ADCK1: variants seen among roughly 807,000 people sequenced by gnomAD.
The protein encoded by ADCK1 is aarF domain-containing protein kinase 1.
In ADCK1, 41 loss-of-function variants were observed where a neutral mutation model predicts 52.3. The ratio of observed to expected loss-of-function variants is 0.78; its 90% CI spans 0.61 to 1.02. The LOEUF is 1.02. ADCK1 is among the 50% of genes least tolerant of loss of function. The pLI is 0.00. For synonymous variants in ADCK1, 250 were observed against 274.6 expected (o/e 0.91, Z 0.89); for missense variants, 658 against 679.5 (o/e 0.97, Z 0.35).
intron 4 of ADCK1, among the ~76,000 whole-genome samples, chr14:77,883,143 G>A (rs1416773942): frequency 6.6e-6 from 1 of 152,010 alleles, no homozygotes; most frequent in Non-Finnish European, 1.5e-5. Context: ...TAATTAAAAA[G>A]CACGTAACTA....
At chr14:77,881,524 A>G (rs1273127570) in intron 4 of ADCK1, among the ~76,000 whole-genome samples, 1 of 152,228 alleles carries the variant, frequency 6.6e-6, no homozygotes, top group African/African-American at 2.4e-5. Context: ...TTAAAAAATT[A>G]TGGACATGTT....
chr14:77,879,031 G>A (rs182975745), intron 4 of ADCK1, among the ~76,000 whole-genome samples: 23 of 151,946 alleles, frequency 1.5e-4, no homozygotes, highest in African/African-American at 2.9e-4. Context: ...CAACATTTCC[G>A]TAGAGTCCCT....
At chr14:77,893,413 G>C (rs1440024770) in intron 5 of ADCK1, among the ~76,000 whole-genome samples, 1 of 152,060 alleles carries the variant, frequency 6.6e-6, no homozygotes, top group African/African-American at 2.4e-5. Context: ...ATAATCTCCA[G>C]GTCCTAATCA....
chr14:77,900,628 T>C (rs1185434892), intron 6 of ADCK1: 1 of 455,380 alleles, frequency 2.2e-6, no homozygotes, highest in Admixed American at 2.4e-5. Context: ...GGACAGAAAG[T>C]TGTAAGGCCA....
intron 3 of ADCK1, among the ~76,000 whole-genome samples, chr14:77,846,557 G>A (rs1291705503): frequency 6.6e-6 from 1 of 152,184 alleles, no homozygotes; most frequent in Non-Finnish European, 1.5e-5. Flanking sequence ...CTCATTGAGT[G>A]AATCATCTGT....
chr14:77,836,714 C>T (rs1185635373), intron 3 of ADCK1, among the ~76,000 whole-genome samples: 1 of 151,938 alleles, frequency 6.6e-6, no homozygotes, highest in Admixed American at 6.6e-5. Context: ...CCTGTGGCTG[C>T]ATCATTGCAA....
intron 4 of ADCK1, among the ~76,000 whole-genome samples, chr14:77,876,353 CTT>C (rs1363666431): frequency 6.6e-6 from 1 of 152,196 alleles, no homozygotes; most frequent in African/African-American, 2.4e-5. Flanking sequence ...CATGTCATCT[CTT>C]TCTCTAATTC....
intron 4 of ADCK1, among the ~76,000 whole-genome samples, chr14:77,871,463 T>G (rs2082776693): frequency 6.6e-6 from 1 of 152,158 alleles, no homozygotes; most frequent in African/African-American, 2.4e-5. Context: ...GTTCAAGCGA[T>G]TGTCCCGCCT....
intron 8 of ADCK1, among the ~76,000 whole-genome samples, chr14:77,924,895 G>A (rs912935823): frequency 5.8e-4 from 88 of 152,242 alleles, no homozygotes; most frequent in Non-Finnish European, 1.6e-4. Flanking sequence ...CCCCAGGCCA[G>A]CAAGGATCCT....
intron 4 of ADCK1, among the ~76,000 whole-genome samples, chr14:77,872,515 G>A (rs1489262789): frequency 3.3e-5 from 5 of 151,976 alleles, no homozygotes; most frequent in African/African-American, 1.2e-4. Context: ...TGGGGTGTTA[G>A]GCTCTTCCCT....
chr14:77,928,266 A>G (rs371198836), intron 9 of ADCK1, among the ~76,000 whole-genome samples: 17 of 152,050 alleles, frequency 1.1e-4, no homozygotes, highest in African/African-American at 3.6e-4. Flanking sequence ...GGGGTAGTCA[A>G]CGGTTCTCTT....
intron 7 of ADCK1, among the ~76,000 whole-genome samples, chr14:77,921,673 T>C (rs1263779137): frequency 6.6e-6 from 1 of 151,972 alleles, no homozygotes; most frequent in Non-Finnish European, 1.5e-5. Flanking sequence ...AAAGATAGAG[T>C]TGGAGGCAGG....
intron 3 of ADCK1, among the ~76,000 whole-genome samples, chr14:77,841,444 GA>G (rs897591469): frequency 3.3e-5 from 5 of 151,290 alleles, no homozygotes; most frequent in Non-Finnish European, 7.4e-5. Context: ...ATCTTTAGGG[GA>G]AAAAAAACTC....
chr14:77,843,277 G>A (rs1174510842), intron 3 of ADCK1, among the ~76,000 whole-genome samples: 2 of 152,144 alleles, frequency 1.3e-5, no homozygotes, highest in South Asian at 4.1e-4. Flanking sequence ...CCACATTCAG[G>A]CCTGTGGCCT....
At chr14:77,917,778 C>CT (rs1169561368) in intron 7 of ADCK1, among the ~76,000 whole-genome samples, 1 of 152,188 alleles carries the variant, frequency 6.6e-6, no homozygotes, top group East Asian at 1.9e-4. Context: ...TTTTGGTTAG[C>CT]TGACAGTCCT....
At chr14:77,826,135 T>G (rs1007385356) in intron 3 of ADCK1, among the ~76,000 whole-genome samples, 6 of 152,296 alleles carry the variant, frequency 3.9e-5, no homozygotes, top group South Asian at 2.1e-4. Context: ...GAACAGCACG[T>G]GGCGGCTGGC....
At chr14:77,807,140 C>T (rs1348045807) in intron 1 of ADCK1, among the ~76,000 whole-genome samples, 1 of 129,618 alleles carries the variant, frequency 7.7e-6, no homozygotes, top group Non-Finnish European at 1.6e-5. Context: ...GGGATCTCGG[C>T]TCACTGCAAG....
chr14:77,861,117 G>T (rs1332049140), intron 4 of ADCK1, among the ~76,000 whole-genome samples: 1 of 152,162 alleles, frequency 6.6e-6, no homozygotes, highest in Non-Finnish European at 1.5e-5. Context: ...CTGCCGATTA[G>T]CCCTGAGCAC....
Position 77,887,019 on chromosome 14 carries a change from C to T in ADCK1, c.424-72C>T, listed in dbSNP as rs538240489. On this transcript the variant is annotated intron_variant, in intron 4 of 10. Coordinates refer to ENST00000238561, the MANE Select transcript of ADCK1 (RefSeq NM_020421.4). ...GGGCACTAGGCAGCCCTGACTCTGG[C>T]CCATCTTCCTGGCTCCCTCTCACTG... is the stretch of plus-strand genomic sequence containing the variant. 3 of 1,472,580 alleles carry T rather than the reference C, an allele frequency of 2.0e-6. No homozygotes were observed. In the East Asian group the frequency reaches 7.3e-5, roughly 36 times the overall value. The allele number at this position is 1,472,580 out of a possible 1,614,324, so 91.2% of individuals were successfully genotyped here. A position where few individuals can be genotyped will look rare whatever the true frequency, so the allele number is the denominator to read the frequency against.
Sources: allele counts gnomAD v4.1 joint callset (sites outside exome capture counted in the v4.1 genomes callset), GRCh38; gene constraint gnomAD v4.1.1; transcripts MANE v1.5; gene names NCBI Gene and HGNC (gene_info 2026-07-23, HGNC 2026-07-21).